PIEZO2: variants seen among roughly 807,000 people sequenced by gnomAD.
PIEZO2 encodes piezo-type mechanosensitive ion channel component 2.
In PIEZO2, 172 loss-of-function variants were observed where a neutral mutation model predicts 337.3. The ratio of observed to expected loss-of-function variants is 0.51; its 90% CI spans 0.45 to 0.58. PIEZO2 has a LOEUF of 0.58. PIEZO2 is among the 20% of genes least tolerant of loss of function. The probability of loss-of-function intolerance (pLI) is 0.00; values close to 1 mark genes in which losing one functional copy is unlikely to be tolerated. For missense variants in PIEZO2, 3,028 were observed against 3,391.3 expected (o/e 0.89, Z 2.66); for synonymous variants, 1,251 against 1,228.5 (o/e 1.02, Z -0.38).
chr18:10,761,457 G>C, intron 23 of PIEZO2, among the ~76,000 whole-genome samples: 1 of 152,190 alleles, frequency 6.6e-6, no homozygotes, highest in Middle Eastern at 3.2e-3. Context: ...TGCAAAAACA[G>C]TACAGAGACA....
In PIEZO2 at chr18:10,670,852, C is replaced by CTTTTTTTTTTTT. The variant is rs766396218; in HGVS notation, c.*663_*674dup. 7.0e-6 allele frequency: 1 copy of CTTTTTTTTTTTT among 142,962 alleles called. No homozygotes were observed. 8.9% of individuals were successfully genotyped at this position (142,962 alleles called of 1,614,324 possible). On this transcript the variant is annotated 3_prime_UTR_variant, in exon 56 of 56. Transcript: ENST00000674853. ...GGTGTACACATCATTTGTTTTGCTC[C>CTTTTTTTTTTTT]TTTTTTTTTTTTTTCCTGAGAAGTC... is the stretch of plus-strand genomic sequence containing the variant.
At chr18:11,140,569 T>C (rs11080493) in intron 1 of PIEZO2, among the ~76,000 whole-genome samples, 128,075 of 152,212 alleles carry the variant, frequency 0.84, 54,289 homozygotes, top group African/African-American at 0.95. Flanking sequence ...CATCTTTAGA[T>C]GCTTAGGGAC....
In PIEZO2 at chr18:10,762,638, G is replaced by A. The variant is rs1169960119; in HGVS notation, c.3124-13C>T. ...GATTTTCATTTGGCTAAAAAGAAGA[G>A]AAAATGGAGTAAAAAAAAATAGCTC... On this transcript the variant is annotated splice_polypyrimidine_tract_variant and intron_variant, in intron 22 of 55. Transcript: ENST00000674853. 5.9e-6 allele frequency: 9 copies of A among 1,532,888 alleles called. No individual in the cohort carries two copies. The highest frequency in any genetic ancestry group is 7.9e-6 in the Non-Finnish European group (9 of 1,145,806). The allele number at this position is 1,532,888 out of a possible 1,614,324, so 95.0% of individuals were successfully genotyped here.
intron 2 of PIEZO2, among the ~76,000 whole-genome samples, chr18:11,011,571 A>T (rs1653678402): frequency 6.6e-6 from 1 of 152,222 alleles, no homozygotes; most frequent in African/African-American, 2.4e-5. Context: ...TAATATTCTT[A>T]AATAGAATTG....
chr18:10,681,174 C>T lies in PIEZO2; in HGVS notation c.7779+487G>A, dbSNP rs865955469. On this transcript the variant is annotated intron_variant, in intron 51 of 55. Coordinates refer to ENST00000674853, the MANE Select transcript of PIEZO2 (RefSeq NM_001378183.1). ...TAAATAAAATGAAAAGTAGAAGCTC[C>T]TTCTCCTATTATGACCACTCTAGAG... Among the ~76,000 whole-genome samples the T allele has an allele frequency of 4.6e-5, 7 of 152,270 alleles. No individual in the cohort carries two copies. In the South Asian group the frequency reaches 1.0e-3, roughly 23 times the overall value.
At chr18:10,744,469 G>T (rs2143682759) in intron 30 of PIEZO2, among the ~76,000 whole-genome samples, 1 of 152,214 alleles carries the variant, frequency 6.6e-6, no homozygotes, top group East Asian at 1.9e-4. Context: ...CAGTAGTGAA[G>T]ATCAGTAAAG....
intron 1 of PIEZO2, among the ~76,000 whole-genome samples, chr18:11,135,188 C>T (rs2040447420): frequency 6.6e-6 from 1 of 152,076 alleles, no homozygotes; most frequent in South Asian, 2.1e-4. Flanking sequence ...AGAGCCAAAA[C>T]AGAAACCTAG....
chr18:10,710,382 GC>G (rs985613503), intron 39 of PIEZO2, among the ~76,000 whole-genome samples: 4 of 151,952 alleles, frequency 2.6e-5, no homozygotes, highest in East Asian at 1.9e-4. Flanking sequence ...TGCCTGACGG[GC>G]CCCCCCACTG....
chr18:10,700,452 A>C (rs1397781881), intron 43 of PIEZO2, among the ~76,000 whole-genome samples: 1 of 151,926 alleles, frequency 6.6e-6, no homozygotes, highest in Admixed American at 6.5e-5. Flanking sequence ...CCATTACCTC[A>C]AATCTCATAT....
At chr18:11,123,405 A>G (rs1461523506) in intron 1 of PIEZO2, among the ~76,000 whole-genome samples, 1 of 152,230 alleles carries the variant, frequency 6.6e-6, no homozygotes, top group Non-Finnish European at 1.5e-5. Context: ...ATGCTGTTAA[A>G]TTTCTAGACA....
rs2036533030 is a variant in PIEZO2, at chr18:10,726,259, G to A, written c.5029+5148C>T. On this transcript the variant is annotated intron_variant, in intron 36 of 55. Transcript: ENST00000674853. The surrounding 1 kb of genome is among the most constrained non-coding windows in gnomAD (Gnocchi z 5.9). ...TGGAAGAGCTTGTGTGCGAGCCTGT[G>A]TTCGGGAGCATGAGAATGGAAGCGT... 3.8e-6 allele frequency: 3 copies of A among 794,944 alleles called. No homozygotes were observed. The highest frequency in any genetic ancestry group is 6.3e-6 in the Non-Finnish European group (3 of 474,804). 49.2% of individuals were successfully genotyped at this position (794,944 alleles called of 1,614,324 possible).
chr18:10,867,924 C>T (rs1354848184), intron 5 of PIEZO2, among the ~76,000 whole-genome samples: 1 of 152,168 alleles, frequency 6.6e-6, no homozygotes, highest in African/African-American at 2.4e-5. Flanking sequence ...TGAGAAAGAA[C>T]CTTTGATGAC....
At chr18:10,981,760 G>A (rs1404288586) in intron 2 of PIEZO2, among the ~76,000 whole-genome samples, 1 of 152,188 alleles carries the variant, frequency 6.6e-6, no homozygotes, top group Non-Finnish European at 1.5e-5. Flanking sequence ...AATGTGGCTA[G>A]GATAAAAGCA....
chr18:10,765,945 G>A (rs184284898), intron 21 of PIEZO2, among the ~76,000 whole-genome samples: 1 of 152,238 alleles, frequency 6.6e-6, no homozygotes, highest in Admixed American at 6.5e-5. Flanking sequence ...GAGCTTCAAT[G>A]ACAAGGAAAG....
At chr18:10,805,159 G>T (rs1053332910) in intron 8 of PIEZO2, among the ~76,000 whole-genome samples, 19 of 152,168 alleles carry the variant, frequency 1.2e-4, no homozygotes, top group African/African-American at 4.3e-4. Flanking sequence ...GAAAGCAAAT[G>T]GGCTGGGAAA....
chr18:10,802,085 CAAAA>C (rs58924448), intron 9 of PIEZO2, among the ~76,000 whole-genome samples: 76 of 96,600 alleles, frequency 7.9e-4, no homozygotes, highest in Middle Eastern at 0.011. Context: ...GACTCCGTCT[CAAAA>C]AAAAAAAAAA....
intron 3 of PIEZO2, among the ~76,000 whole-genome samples, chr18:10,934,005 T>C (rs148275575): frequency 1.6e-4 from 25 of 152,348 alleles, no homozygotes; most frequent in African/African-American, 6.0e-4. Context: ...TGTTATAAAT[T>C]ACCAAGTCCA....
chr18:10,788,863 G>A (rs1178523215), intron 15 of PIEZO2, among the ~76,000 whole-genome samples: 6 of 152,200 alleles, frequency 3.9e-5, no homozygotes, highest in African/African-American at 9.7e-5. Context: ...GAAATTACAG[G>A]CATGAGCCAC....
intron 3 of PIEZO2, among the ~76,000 whole-genome samples, chr18:10,970,196 GA>G (rs1294288250): frequency 6.6e-6 from 1 of 152,208 alleles, no homozygotes; most frequent in Non-Finnish European, 1.5e-5. Context: ...GGCCAGTATT[GA>G]AGAATGGACC....
Sources: allele counts gnomAD v4.1 joint callset (sites outside exome capture counted in the v4.1 genomes callset), GRCh38; gene constraint gnomAD v4.1.1; non-coding constraint Gnocchi (gnomAD v3.1); transcripts MANE v1.5; gene names NCBI Gene and HGNC (gene_info 2026-07-23, HGNC 2026-07-21).